TBC1D8: variants seen among roughly 807,000 people sequenced by gnomAD.
TBC1D8 encodes the protein BUB2-like protein 1.
In TBC1D8, 65 loss-of-function variants were observed where a neutral mutation model predicts 118.8. The ratio of observed to expected loss-of-function variants is 0.55; its 90% CI spans 0.45 to 0.67. TBC1D8 has a LOEUF of 0.67. Among genes scored for constraint, TBC1D8 ranks in the 30% least tolerant of loss-of-function variants. The pLI, the probability that TBC1D8 is intolerant of heterozygous loss-of-function variation, is 0.00. For missense variants in TBC1D8, 1,376 were observed against 1,471.2 expected (o/e 0.94, Z 1.06); for synonymous variants, 566 against 595.8 (o/e 0.95, Z 0.73).
chr2:101,068,338 G>GA (rs1683129083), intron 2 of TBC1D8: 1 of 221,188 alleles, frequency 4.5e-6, no homozygotes, highest in South Asian at 7.1e-5. Context: ...CTGTAGGCTT[G>GA]AGTCAAGAAC....
At chr2:101,126,300 C>T (rs891948441) in intron 1 of TBC1D8, among the ~76,000 whole-genome samples, 2 of 152,226 alleles carry the variant, frequency 1.3e-5, no homozygotes, top group East Asian at 3.8e-4. Flanking sequence ...TCCCACCAGG[C>T]CGTACCTCCA....
At chr2:101,040,032 A>T in intron 6 of TBC1D8, 146 bp downstream of exon 6, 1 of 869,400 alleles carries the variant, frequency 1.2e-6, no homozygotes, top group Non-Finnish European at 1.8e-6. Context: ...GCCTCCCTCA[A>T]GAAGCCCAGC....
intron 1 of TBC1D8, among the ~76,000 whole-genome samples, chr2:101,095,159 C>T (rs1265449339): frequency 6.6e-6 from 1 of 152,024 alleles, no homozygotes; most frequent in Non-Finnish European, 1.5e-5. Flanking sequence ...CCTCTTTGGC[C>T]CTTTCAGGGC....
intron 1 of TBC1D8, among the ~76,000 whole-genome samples, chr2:101,148,072 G>A (rs1679392785): frequency 6.6e-6 from 1 of 152,146 alleles, no homozygotes; most frequent in South Asian, 2.1e-4. Context: ...AGCCACATCT[G>A]TGCCCGCCCT....
At chr2:101,071,134 T>C (rs541090736) in intron 2 of TBC1D8, among the ~76,000 whole-genome samples, 1 of 151,898 alleles carries the variant, frequency 6.6e-6, no homozygotes, top group Admixed American at 6.6e-5. Context: ...GGTCAGGAGA[T>C]GGAGACCATC....
intron 12 of TBC1D8, 167 bp from the exon 13 acceptor site, chr2:101,028,599 T>C (rs1041453865): frequency 4.0e-6 from 4 of 1,009,502 alleles, no homozygotes; most frequent in Non-Finnish European, 5.5e-6. Context: ...GAGGCAGTCA[T>C]GAAGCCCGGC....
chr2:101,101,926 G>C (rs956851425), intron 1 of TBC1D8, among the ~76,000 whole-genome samples: 1 of 151,764 alleles, frequency 6.6e-6, no homozygotes, highest in Non-Finnish European at 1.5e-5. Context: ...GGAATGTAGA[G>C]GATGGGTCAA....
intron 1 of TBC1D8, among the ~76,000 whole-genome samples, chr2:101,094,006 A>G (rs945135435): frequency 3.9e-5 from 6 of 152,006 alleles, no homozygotes; most frequent in African/African-American, 1.4e-4. Flanking sequence ...GATTCTCAAA[A>G]TACTTACTTA....
At chr2:101,062,817 T>C (rs1194178918) in intron 2 of TBC1D8, among the ~76,000 whole-genome samples, 1 of 152,074 alleles carries the variant, frequency 6.6e-6, no homozygotes, top group Non-Finnish European at 1.5e-5. Flanking sequence ...AACTTTTGTA[T>C]TGTTAGTAGA....
At chr2:101,083,848 A>C (rs1471273276) in intron 2 of TBC1D8, among the ~76,000 whole-genome samples, 1 of 152,130 alleles carries the variant, frequency 6.6e-6, no homozygotes, top group Non-Finnish European at 1.5e-5. Flanking sequence ...AGACACAATA[A>C]AATATTAACT....
chr2:101,103,746 T>G (rs1047629075), intron 1 of TBC1D8, among the ~76,000 whole-genome samples: 3 of 152,098 alleles, frequency 2.0e-5, no homozygotes, highest in African/African-American at 7.2e-5. Context: ...ACAGTTAACA[T>G]CATACTTAAT....
intron 1 of TBC1D8, among the ~76,000 whole-genome samples, chr2:101,148,189 CT>C (rs1302932275): frequency 1.3e-5 from 2 of 152,202 alleles, no homozygotes; most frequent in African/African-American, 2.4e-5. Context: ...ACCCCTCCAG[CT>C]TTCCATAATG....
At chr2:101,106,607 G>T (rs1253712212) in intron 1 of TBC1D8, among the ~76,000 whole-genome samples, 1 of 152,204 alleles carries the variant, frequency 6.6e-6, no homozygotes, top group Non-Finnish European at 1.5e-5. Flanking sequence ...ATGCACAGAT[G>T]GTCCTCGACT....
chr2:101,145,421 C>G lies in TBC1D8; in HGVS notation c.127+5706G>C, dbSNP rs191876124. On this transcript the variant is annotated intron_variant, in intron 1 of 19. Transcript: ENST00000409318. ...GCATGTAAGACTCTGGAGCCAACATCTGGGACTTCTATAGAATGCAACAGG... is the reference window on the plus strand; with the variant it reads ...GCATGTAAGACTCTGGAGCCAACATGTGGGACTTCTATAGAATGCAACAGG... 1.6e-3 allele frequency among the ~76,000 whole-genome samples: 241 copies of G among 152,296 alleles called. 1 individual carries two copies. The highest frequency in any genetic ancestry group is 2.1e-3 in the Non-Finnish European group (143 of 68,028).
intron 1 of TBC1D8, among the ~76,000 whole-genome samples, chr2:101,134,190 C>G (rs982681414): frequency 1.1e-5 from 1 of 94,468 alleles, no homozygotes; most frequent in Non-Finnish European, 2.1e-5. Flanking sequence ...CTCTCTCTCT[C>G]TCTCTCTCAC....
At chr2:101,049,304 T>G (rs1181477501) in intron 5 of TBC1D8, among the ~76,000 whole-genome samples, 1 of 152,238 alleles carries the variant, frequency 6.6e-6, no homozygotes, top group African/African-American at 2.4e-5. Flanking sequence ...TAGTATCAAT[T>G]TGTGGCAAAC....
At position 101,059,427 on chromosome 2, in the gene TBC1D8, C is replaced by T. The variant is rs7558900; in HGVS notation, c.396G>A (p.Lys132=). ...TGAAACTCAGGGGACCTACCTTTACCTTCCCTTTGACAAAACTGGCAATGT... is the reference window on the plus strand; with the variant it reads ...TGAAACTCAGGGGACCTACCTTTACTTTCCCTTTGACAAAACTGGCAATGT... ...KDDIASFVKG[K]VKALIAEETS... Residue 132 remains lysine (K), a synonymous_variant, in exon 3 of 20, where the codon AAG becomes AAA. Coordinates refer to ENST00000409318, the MANE Select transcript of TBC1D8 (RefSeq NM_001330348.2). 288 of 1,612,772 alleles carry T rather than the reference C, an allele frequency of 1.8e-4. 1 individual carries two copies. The African/African-American group carries it at 3.3e-3, about 18-fold the overall frequency.
intron 1 of TBC1D8, among the ~76,000 whole-genome samples, chr2:101,111,446 C>T (rs907911427): frequency 6.6e-6 from 1 of 152,198 alleles, no homozygotes; most frequent in Admixed American, 6.5e-5. Flanking sequence ...GAATCCACAA[C>T]ACGAATGCCT....
At chr2:101,081,433 AC>A (rs1250305503) in intron 2 of TBC1D8, among the ~76,000 whole-genome samples, 2 of 152,224 alleles carry the variant, frequency 1.3e-5, no homozygotes, top group Non-Finnish European at 2.9e-5. Context: ...CACTTAAGCT[AC>A]CATAAACAGA....
Sources: gnomAD v4.1 joint callset for allele counts (sites outside exome capture counted in the v4.1 genomes callset) on GRCh38, gnomAD v4.1.1 for gene constraint, MANE v1.5 for transcripts, NCBI Gene and HGNC (gene_info 2026-07-23, HGNC 2026-07-21) for gene names.